Variants in RYR3 observed in about 807,000 individuals in gnomAD.
RYR3 encodes brain ryanodine receptor-calcium release channel.
In RYR3, 207 loss-of-function variants were observed where a neutral mutation model predicts 584.3. The observed-to-expected ratio is 0.35, with a 90% confidence interval of 0.32 to 0.40. The LOEUF (loss-of-function observed/expected upper bound fraction) is 0.40, where lower values mean the gene tolerates loss of function less well. RYR3 is among the 10% of genes least tolerant of loss of function. The pLI is 1.00. For synonymous variants in RYR3, 2,416 were observed against 2,248.5 expected (o/e 1.07, Z -2.11); for missense variants, 5,616 against 6,089.2 (o/e 0.92, Z 2.59).
chr15:33,838,689 G>A lies in RYR3; in HGVS notation c.12709G>A (p.Asp4237Asn), dbSNP rs1313213420. Residue 4237 changes from aspartate (D) to asparagine (N), a missense_variant, in exon 89 of 104, where the codon GAC becomes AAC. Asp to Asn is a conservative substitution (Grantham distance 23). Transcript: ENST00000634891. ...RVTKILGDMP[D>N]PTQFGIHDDT... is the part of the protein sequence containing the mutation. ...GACCAAGATCCTGGGTGACATGCCTGACCCAACCCAATTTGGTATCCATGA... is the reference window on the plus strand; with the variant it reads ...GACCAAGATCCTGGGTGACATGCCTAACCCAACCCAATTTGGTATCCATGA... The A allele has an allele frequency of 1.2e-6, 2 of 1,613,972 alleles. No homozygotes were observed. The highest frequency in any genetic ancestry group is 8.5e-7 in the Non-Finnish European group (1 of 1,179,880).
chr15:33,639,725 C>T (rs1566845840), intron 27 of RYR3, among the ~76,000 whole-genome samples: 3 of 152,108 alleles, frequency 2.0e-5, no homozygotes, highest in Non-Finnish European at 1.5e-5. Flanking sequence ...CTGTTTTTAC[C>T]TCTGGCTTAC....
At chr15:33,578,192 A>G (rs577309667) in intron 12 of RYR3, among the ~76,000 whole-genome samples, 3 of 152,334 alleles carry the variant, frequency 2.0e-5, no homozygotes, top group Admixed American at 2.0e-4. Context: ...TATGGAATAC[A>G]GTGTAGCAAT....
intron 43 of RYR3, among the ~76,000 whole-genome samples, chr15:33,716,681 T>A (rs1165933117): frequency 1.3e-5 from 2 of 152,162 alleles, no homozygotes; most frequent in Non-Finnish European, 2.9e-5. Flanking sequence ...TCACCCTAAG[T>A]GAATTTCTCA....
intron 20 of RYR3, among the ~76,000 whole-genome samples, chr15:33,628,255 T>A (rs977371340): frequency 2.6e-5 from 4 of 151,812 alleles, no homozygotes; most frequent in Non-Finnish European, 5.9e-5. Context: ...CAGAAAAGAC[T>A]AAGAGGCAAT....
Position 33,487,654 on chromosome 15 carries a change from C to A in RYR3, c.171+14116C>A, listed in dbSNP as rs149530006. 2.8e-3 allele frequency among the ~76,000 whole-genome samples: 420 copies of A among 152,232 alleles called. 2 individuals carry two copies. The highest frequency in any genetic ancestry group is 9.7e-3 in the African/African-American group (404 of 41,540). ...GAGGTTCTATGGGGACCATGGTGGG[C>A]ACTATGCATTGAGAAACTAGCCTAC... On this transcript the variant is annotated intron_variant, in intron 2 of 103. Coordinates refer to ENST00000634891, the MANE Select transcript of RYR3 (RefSeq NM_001036.6).
In RYR3 at chr15:33,844,971, G is replaced by C; in HGVS notation, c.13406G>C (p.Ser4469Thr). ...EAMVFFVLQE[S>T]TGYMAPTLRA... The stretch of plus-strand genomic sequence containing the variant: ...ATGGTATTCTTTGTCCTTCAGGAGA[G>C]CACCGGGTATATGGCACCAACCCTG... Residue 4469 changes from serine (S) to threonine (T), a missense_variant, in exon 93 of 104, where the codon AGC (serine) becomes ACC (threonine). Physicochemically the swap from Ser to Thr is moderately conservative, Grantham distance 58. Coordinates refer to ENST00000634891, the MANE Select transcript of RYR3 (RefSeq NM_001036.6). 6.2e-7 allele frequency: 1 copy of C among 1,614,018 alleles called. No individual in the cohort carries two copies. Among genetic ancestry groups the C allele is most frequent in the South Asian group, 1.1e-5 (1 of 91,086 alleles).
chr15:33,346,866 G>T (rs1972518993), intron 1 of RYR3, among the ~76,000 whole-genome samples: 1 of 152,032 alleles, frequency 6.6e-6, no homozygotes, highest in African/African-American at 2.4e-5. Flanking sequence ...AAAATTGAAG[G>T]CTTAGGTGGG....
At position 33,609,316 on chromosome 15, in the gene RYR3, C is replaced by T. The variant is rs181756111; in HGVS notation, c.2165-3867C>T. On this transcript the variant is annotated intron_variant, in intron 18 of 103. Transcript: ENST00000634891. ...GGGTGTGGTAGCTCAAACCTGTAAT[C>T]CCAGCACTTCGGGAGGCCGAGATGG... Among the ~76,000 whole-genome samples the T allele has an allele frequency of 1.7e-3, 264 of 152,320 alleles. 1 individual carries two copies. Among genetic ancestry groups the T allele is most frequent in the Non-Finnish European group, 2.9e-3 (198 of 68,032 alleles).
chr15:33,441,716 G>T (rs987416517), intron 1 of RYR3, among the ~76,000 whole-genome samples: 18 of 152,112 alleles, frequency 1.2e-4, no homozygotes, highest in Non-Finnish European at 1.9e-4. Context: ...TTAAGTGAAT[G>T]CCCTACTTTA....
At chr15:33,552,777 C>T (rs548256967) in intron 10 of RYR3, among the ~76,000 whole-genome samples, 33 of 152,246 alleles carry the variant, frequency 2.2e-4, no homozygotes, top group African/African-American at 7.9e-4. Flanking sequence ...TGTCATACAC[C>T]ATCCAAATAA....
rs2077418292 is a variant in RYR3, at chr15:33,827,138, G to A, written c.11246-61G>A. ...TGTCTTATCTGAGCTCAGCTGAGAG[G>A]GCATGCTTGGCCCCCTCGGCATGGC... On this transcript the variant is annotated intron_variant, in intron 84 of 103. Transcript: ENST00000634891. 4.2e-6 allele frequency: 5 copies of A among 1,185,090 alleles called. No individual in the cohort carries two copies. The East Asian group carries it at 1.0e-4, about 24-fold the overall frequency. 73.4% of individuals were successfully genotyped at this position (1,185,090 alleles called of 1,614,324 possible).
chr15:33,659,775 C>A lies in RYR3; in HGVS notation c.4364C>A (p.Ser1455Tyr). ...PAVFLQPTSTSLFQFELGKLK... is the reference protein window; with the variant it reads ...PAVFLQPTSTYLFQFELGKLK... ...GTCTTCCTGCAGCCTACAAGTACTT[C>A]TTTGTTTCAGTTTGAACTTGGAAAG... is the stretch of plus-strand genomic sequence containing the variant. Residue 1455 changes from serine to tyrosine, a missense_variant, in exon 33 of 104, where the codon TCT becomes TAT. Transcript: ENST00000634891. The A allele has an allele frequency of 6.2e-7, 1 of 1,612,804 alleles. No individual in the cohort carries two copies. The highest frequency in any genetic ancestry group is 1.1e-5 in the South Asian group (1 of 91,016).
intron 65 of RYR3, among the ~76,000 whole-genome samples, chr15:33,784,228 T>C (rs1243360547): frequency 6.6e-6 from 1 of 152,248 alleles, no homozygotes; most frequent in African/African-American, 2.4e-5. Context: ...CCATGCACTA[T>C]AACCATGAGA....
At chr15:33,850,448 C>G (rs1197951290) in intron 94 of RYR3, 2 of 150,114 alleles carry the variant, frequency 1.3e-5, no homozygotes, top group African/African-American at 2.5e-5. Context: ...GACAAGTACA[C>G]TAAAATGTCC....
intron 38 of RYR3, among the ~76,000 whole-genome samples, chr15:33,695,243 G>A (rs1017740325): frequency 5.9e-5 from 9 of 152,194 alleles, no homozygotes; most frequent in Admixed American, 1.3e-4. Flanking sequence ...TTCTGGAAGT[G>A]TGGATGGTAA....
chr15:33,336,831 G>C (rs564454916), intron 1 of RYR3, among the ~76,000 whole-genome samples: 4 of 151,484 alleles, frequency 2.6e-5, no homozygotes, highest in South Asian at 4.2e-4. Flanking sequence ...TGAGGCGGGC[G>C]GATCACGAGG....
chr15:33,379,687 C>CTCTCTCTCTCTCTCTCTCTATATATATA, intron 1 of RYR3, among the ~76,000 whole-genome samples: 29 of 125,490 alleles, frequency 2.3e-4, no homozygotes, highest in African/African-American at 9.6e-4. Flanking sequence ...CTCTCTCTCT[C>CTCTCTCTCTCTCTCTCTCTATATATATA]TATATATATA....
chr15:33,624,726 G>C (rs10519847), intron 20 of RYR3, among the ~76,000 whole-genome samples: 1 of 152,084 alleles, frequency 6.6e-6, no homozygotes, highest in Non-Finnish European at 1.5e-5. Context: ...ACACATTCAC[G>C]TGGTATTACA....
At chr15:33,546,610 A>G (rs2056260357) in intron 8 of RYR3, among the ~76,000 whole-genome samples, 1 of 152,176 alleles carries the variant, frequency 6.6e-6, no homozygotes, top group Admixed American at 6.5e-5. Flanking sequence ...TATAAAAAAC[A>G]CTTTCTAAAC....
Sources: gnomAD v4.1 joint callset for allele counts (sites outside exome capture counted in the v4.1 genomes callset) on GRCh38, gnomAD v4.1.1 for gene constraint, MANE v1.5 for transcripts, NCBI Gene and HGNC (gene_info 2026-07-23, HGNC 2026-07-21) for gene names.